The following SPATA21 variants were observed in gnomAD, a reference collection of about 807,000 sequenced individuals.
The protein encoded by SPATA21 is spermatogenesis-associated protein 21.
A neutral mutation model predicts 54.8 loss-of-function variants in SPATA21; 47 were observed. The ratio of observed to expected loss-of-function variants is 0.86; its 90% CI spans 0.68 to 1.09. SPATA21 has a LOEUF of 1.09. Among genes scored for constraint, SPATA21 ranks in the 50% least tolerant of loss-of-function variants. The pLI, the probability that SPATA21 is intolerant of heterozygous loss-of-function variation, is 0.00. For synonymous variants in SPATA21, 245 were observed against 235.3 expected, an observed-to-expected ratio of 1.04 and a Z score of -0.38; for missense variants, 599 against 596.4, an observed-to-expected ratio of 1.00 and a Z score of -0.05.
At chr1:16,425,756 C>A in intron 3 of SPATA21, 2 of 1,536,890 alleles carry the variant, frequency 1.3e-6, no homozygotes, top group South Asian at 1.2e-5. Flanking sequence ...CAAAGTGACA[C>A]TTTAGCTCCC....
rs1557665434 is a variant in SPATA21, at chr1:16,421,582, T to A, written c.96-25A>T. 4.3e-6 allele frequency: 7 copies of A among 1,609,262 alleles called. No homozygotes were observed. Among genetic ancestry groups the A allele is most frequent in the Non-Finnish European group, 5.9e-6 (7 of 1,177,984 alleles). On this transcript the variant is annotated intron_variant, in intron 4 of 12. Transcript: ENST00000335496. This position sits in a 1 kb window ranked among gnomAD's most constrained non-coding sequence, Gnocchi z 5.2. ...CCTGAATAGAAGAGAAACCCCCAGG[T>A]GGGGGAAGCGCTCAGCTGAAGGTTT...
rs767845140 is a variant in SPATA21, at chr1:16,421,023, CAG to C, written c.144+484_144+485del. ...TGCCAATGAACAGAACAGGATGAGA[CAG>C]GGCAGATGCTGGCAGGGCATGCATG... On this transcript the variant is annotated intron_variant, in intron 5 of 12. Transcript: ENST00000335496. The surrounding 1 kb of genome is among the most constrained non-coding windows in gnomAD (Gnocchi z 5.2). Among the ~76,000 whole-genome samples the C allele has an allele frequency of 6.6e-5, 10 of 152,104 alleles. No individual in the cohort carries two copies. Among genetic ancestry groups the C allele is most frequent in the Non-Finnish European group, 1.3e-4 (9 of 68,028 alleles).
downstream of SPATA21, chr1:16,396,283 C>G (rs2085310068): frequency 6.6e-6 from 1 of 152,224 alleles, no homozygotes; most frequent in African/African-American, 2.4e-5. Flanking sequence ...ATTGGTGGCC[C>G]CAGCTCAGTA....
intron 7 of SPATA21, chr1:16,408,399 A>G: frequency 1.1e-6 from 1 of 912,494 alleles, no homozygotes; most frequent in Non-Finnish European, 1.3e-6. Context: ...ACCATCTAGG[A>G]TGGGCAGGGT....
chr1:16,436,097 A>C (rs1391237164), intron 1 of SPATA21, among the ~76,000 whole-genome samples: 1 of 151,546 alleles, frequency 6.6e-6, no homozygotes, highest in East Asian at 2.0e-4. Context: ...CTAAAGATAC[A>C]AAAAATTAGC....
At chr1:16,434,255 G>A (rs1300072805) in intron 1 of SPATA21, among the ~76,000 whole-genome samples, 1 of 151,556 alleles carries the variant, frequency 6.6e-6, no homozygotes, top group Admixed American at 6.6e-5. Flanking sequence ...CCATTCATCA[G>A]TAGATAGAAA....
intron 11 of SPATA21, among the ~76,000 whole-genome samples, chr1:16,399,903 G>A (rs2085389945): frequency 6.6e-6 from 1 of 152,160 alleles, no homozygotes; most frequent in African/African-American, 2.4e-5. Context: ...GGTACCTGGG[G>A]GAAGGGAGGC....
At chr1:16,424,252 G>T (rs1311848981) in intron 3 of SPATA21, among the ~76,000 whole-genome samples, 1 of 6,704 alleles carries the variant, frequency 1.5e-4, no homozygotes, top group African/African-American at 6.6e-4. Context: ...GGCAGAGCTT[G>T]CAGTGAGCCG....
rs143811546 is a variant in SPATA21 at position 16,416,208 on chromosome 1, C to T, written c.144+5301G>A. Among the ~76,000 whole-genome samples the T allele has an allele frequency of 2.8e-3, 421 of 152,332 alleles. 1 individual carries two copies. Among genetic ancestry groups the T allele is most frequent in the African/African-American group, 8.8e-3 (365 of 41,580 alleles). ...GTGCCCAGCCTCGGGGTGCTCTAGTCTAGTATTTCTTCCTAGGCCCAGCTT... is the reference window on the plus strand; with the variant it reads ...GTGCCCAGCCTCGGGGTGCTCTAGTTTAGTATTTCTTCCTAGGCCCAGCTT... On this transcript the variant is annotated intron_variant, in intron 5 of 12. Transcript: ENST00000335496.
At chr1:16,426,229 A>G (rs1156971075) in intron 3 of SPATA21, among the ~76,000 whole-genome samples, 1 of 151,270 alleles carries the variant, frequency 6.6e-6, no homozygotes, top group Non-Finnish European at 1.5e-5. Flanking sequence ...TATTTCCTCC[A>G]AGCTTCTTCC....
At chr1:16,395,865 A>G (rs2085302192), downstream of SPATA21, 1 of 152,858 alleles carries the variant, frequency 6.5e-6, no homozygotes, top group Admixed American at 6.5e-5. Context: ...CCCCATGCCT[A>G]TACCTCCCTC....
chr1:16,429,702 G>A (rs911944923), intron 3 of SPATA21, among the ~76,000 whole-genome samples: 3 of 150,000 alleles, frequency 2.0e-5, no homozygotes. Context: ...TTGAACTCCC[G>A]ACCTCAGGTG....
intron 7 of SPATA21, among the ~76,000 whole-genome samples, chr1:16,406,471 G>A (rs1344447558): frequency 6.6e-6 from 1 of 152,160 alleles, no homozygotes; most frequent in Admixed American, 6.6e-5. Flanking sequence ...GGCTAGGTGC[G>A]ATGGCTTACA....
intron 3 of SPATA21, among the ~76,000 whole-genome samples, chr1:16,424,253 C>T (rs1319412153): frequency 7.4e-5 from 9 of 120,864 alleles, no homozygotes; most frequent in East Asian, 2.4e-4. Context: ...GCAGAGCTTG[C>T]AGTGAGCCGA....
chr1:16,425,845 G>T, intron 3 of SPATA21: 1 of 872,770 alleles, frequency 1.1e-6, no homozygotes, highest in Non-Finnish European at 1.7e-6. Context: ...AAGGACCAAT[G>T]AAGGACTCAC....
rs890268856 is a variant in SPATA21, at chr1:16,409,059, A to G, written c.673+59T>C. 6.3e-7 allele frequency: 1 copy of G among 1,582,952 alleles called. No individual in the cohort carries two copies. Among genetic ancestry groups the G allele is most frequent in the African/African-American group, 1.4e-5 (1 of 73,832 alleles). On this transcript the variant is annotated intron_variant, in intron 7 of 12. Coordinates refer to ENST00000335496, the MANE Select transcript of SPATA21 (RefSeq NM_198546.1). The surrounding 1 kb of genome is among the most constrained non-coding windows in gnomAD (Gnocchi z 4.1). ...ACCCCAGTCCGCCCTGCGCCTATAA[A>G]CCCCCAAGGACCAAGGGTCCTGCCT...
At chr1:16,401,670 C>T (rs2085452456) in intron 10 of SPATA21, among the ~76,000 whole-genome samples, 1 of 151,822 alleles carries the variant, frequency 6.6e-6, no homozygotes, top group Non-Finnish European at 1.5e-5. Context: ...AACTCCTGCT[C>T]ATCTTCCAGA....
intron 1 of SPATA21, among the ~76,000 whole-genome samples, chr1:16,434,643 T>C (rs1304623310): frequency 6.6e-6 from 1 of 152,082 alleles, no homozygotes; most frequent in Non-Finnish European, 1.5e-5. Flanking sequence ...TGAACATTCA[T>C]GTACAAGTTT....
intron 11 of SPATA21, among the ~76,000 whole-genome samples, chr1:16,400,228 G>A (rs1232064996): frequency 6.6e-6 from 1 of 152,064 alleles, no homozygotes; most frequent in Admixed American, 6.6e-5. Context: ...TGTTGGCCAG[G>A]ATGGTCTCGA....
Sources: allele counts gnomAD v4.1 joint callset (sites outside exome capture counted in the v4.1 genomes callset), GRCh38; gene constraint gnomAD v4.1.1; non-coding constraint Gnocchi (gnomAD v3.1); transcripts MANE v1.5; gene names NCBI Gene and HGNC (gene_info 2026-07-23, HGNC 2026-07-21).